The following TEX9 variants were observed in gnomAD, a reference collection of about 807,000 sequenced individuals.
TEX9 encodes testis-expressed protein 9.
TEX9 carries 74 observed loss-of-function variants against 59.6 expected under a neutral mutation model. The ratio of observed to expected loss-of-function variants is 1.24; its 90% CI spans 1.03 to 1.51. The LOEUF (loss-of-function observed/expected upper bound fraction) is 1.51. Among genes scored for constraint, TEX9 ranks in the 40% most tolerant of loss-of-function variants. TEX9 has a pLI of 0.00. For missense variants in TEX9, 522 were observed against 447.8 expected, an observed-to-expected ratio of 1.17 and a Z score of -1.49; for synonymous variants, 186 against 152.2, an observed-to-expected ratio of 1.22 and a Z score of -1.64.
chr15:56,419,011 C>T (rs1308464812), intron 10 of TEX9, among the ~76,000 whole-genome samples: 4 of 151,738 alleles, frequency 2.6e-5, no homozygotes, highest in African/African-American at 9.7e-5. Context: ...ATCTTAATAG[C>T]GTCTTTAAAG....
intron 12 of TEX9, chr15:56,430,064 T>G (rs779916887): frequency 3.3e-5 from 5 of 152,236 alleles, no homozygotes; most frequent in Non-Finnish European, 7.3e-5. Context: ...ATATATCTTT[T>G]TCCTTCCTTA....
At chr15:56,385,818 C>T (rs989801530) in intron 4 of TEX9, among the ~76,000 whole-genome samples, 1 of 152,030 alleles carries the variant, frequency 6.6e-6, no homozygotes, top group Non-Finnish European at 1.5e-5. Context: ...CATAGCCCTA[C>T]AGGGTTTAGA....
At chr15:56,296,465 A>G (rs1169887251) in intron 1 of TEX9, among the ~76,000 whole-genome samples, 1 of 152,214 alleles carries the variant, frequency 6.6e-6, no homozygotes, top group East Asian at 1.9e-4. Context: ...ATTTTTCAAG[A>G]ATTACTCATT....
At chr15:56,448,806 T>C (rs190023513), downstream of TEX9, among the ~76,000 whole-genome samples, 9 of 147,390 alleles carry the variant, frequency 6.1e-5, no homozygotes, top group East Asian at 1.6e-3. Context: ...CAGGCTGGAG[T>C]GCAGTGGTGT....
At chr15:56,374,895 C>A (rs2047360501) in intron 3 of TEX9, among the ~76,000 whole-genome samples, 1 of 152,142 alleles carries the variant, frequency 6.6e-6, no homozygotes, top group Non-Finnish European at 1.5e-5. Flanking sequence ...TTTTTTATGG[C>A]TGAATAGTAC....
At chr15:56,384,554 T>C (rs575531371) in intron 4 of TEX9, among the ~76,000 whole-genome samples, 1 of 152,294 alleles carries the variant, frequency 6.6e-6, no homozygotes, top group South Asian at 2.1e-4. Context: ...TACTGCTGCA[T>C]TGAATGGGTT....
At chr15:56,410,463 G>GTT (rs143947671) in intron 9 of TEX9, among the ~76,000 whole-genome samples, 1 of 146,698 alleles carries the variant, frequency 6.8e-6, no homozygotes, top group Non-Finnish European at 1.5e-5. Flanking sequence ...ATTTTCTTAG[G>GTT]TTTTTTTTTT....
At chr15:56,273,553 A>G (rs1206363989) in intron 1 of TEX9, among the ~76,000 whole-genome samples, 1 of 152,098 alleles carries the variant, frequency 6.6e-6, no homozygotes, top group African/African-American at 2.4e-5. Context: ...TAAAATAAGG[A>G]AAAAAAGTCT....
At chr15:56,320,761 A>G (rs1019190535) in intron 1 of TEX9, among the ~76,000 whole-genome samples, 4 of 152,202 alleles carry the variant, frequency 2.6e-5, no homozygotes, top group Non-Finnish European at 5.9e-5. Context: ...AAAATGTGCT[A>G]TGATAATTAC....
chr15:56,316,346 T>C (rs1251504768), intron 1 of TEX9, among the ~76,000 whole-genome samples: 1 of 152,094 alleles, frequency 6.6e-6, no homozygotes, highest in African/African-American at 2.4e-5. Flanking sequence ...TTGTCCTTTC[T>C]GTTTGTTAGT....
At chr15:56,318,236 C>G (rs946115063) in intron 1 of TEX9, among the ~76,000 whole-genome samples, 1 of 151,902 alleles carries the variant, frequency 6.6e-6, no homozygotes, top group Admixed American at 6.6e-5. Flanking sequence ...TGCGTTGATC[C>G]TTTTATTATT....
At chr15:56,396,388 A>G (rs903623181) in intron 9 of TEX9, 1 of 152,140 alleles carries the variant, frequency 6.6e-6, no homozygotes, top group South Asian at 2.1e-4. Context: ...TAATATAACT[A>G]TCACTATAAT....
At chr15:56,345,099 A>G (rs1392366308) in intron 1 of TEX9, among the ~76,000 whole-genome samples, 1 of 148,550 alleles carries the variant, frequency 6.7e-6, no homozygotes, top group Non-Finnish European at 1.5e-5. Flanking sequence ...ATGTATATAT[A>G]ATTTGAATTG....
At position 56,336,435 on chromosome 15, in the gene TEX9, A is replaced by G. The variant is rs1191963839; in HGVS notation, c.-106-37006A>G. Among the ~76,000 whole-genome samples, 4 of 152,230 alleles carry G rather than the reference A, an allele frequency of 2.6e-5. No individual in the cohort carries two copies. The East Asian group carries it at 7.7e-4, about 29-fold the overall frequency. ...TTATATCTCCCAATATTTCTCTGGT[A>G]ATATCTCCCAGATTACCAAATTGGT... On this transcript the variant is annotated intron_variant, in intron 1 of 5. Transcript: ENST00000560827.
intron 10 of TEX9, among the ~76,000 whole-genome samples, chr15:56,416,650 G>A (rs1177707018): frequency 6.6e-6 from 1 of 151,932 alleles, no homozygotes; most frequent in African/African-American, 2.4e-5. Context: ...TGTTCATCAA[G>A]GATATTGGCC....
At chr15:56,311,917 T>C (rs1408568501) in intron 1 of TEX9, among the ~76,000 whole-genome samples, 1 of 148,538 alleles carries the variant, frequency 6.7e-6, no homozygotes, top group African/African-American at 2.5e-5. Context: ...TTTTTTCATG[T>C]GTTTTTTGGC....
At chr15:56,412,331 A>C in exon 10 of TEX9, 1 of 1,612,342 alleles carries the variant, frequency 6.2e-7, no homozygotes. Flanking sequence ...GACTGCAAAA[A>C]CAGGCTGCAA....
At chr15:56,446,381 A>G (rs968101071), downstream of TEX9, among the ~76,000 whole-genome samples, 3 of 152,006 alleles carry the variant, frequency 2.0e-5, no homozygotes, top group South Asian at 2.1e-4. Context: ...ACTTGGTACC[A>G]TATCAGGAGT....
intron 1 of TEX9, among the ~76,000 whole-genome samples, chr15:56,277,253 C>G (rs1160820705): frequency 6.6e-6 from 1 of 152,132 alleles, no homozygotes; most frequent in Non-Finnish European, 1.5e-5. Flanking sequence ...TTGTCCGTGC[C>G]TATGTCCTGA....
Sources: allele counts gnomAD v4.1 joint callset (sites outside exome capture counted in the v4.1 genomes callset), GRCh38; gene constraint gnomAD v4.1.1; transcripts MANE v1.5; gene names NCBI Gene and HGNC (gene_info 2026-07-23, HGNC 2026-07-21).